Variants in ZFP90 observed in about 807,000 individuals in gnomAD.
ZFP90 encodes ZFP90 zinc finger protein, also known as zinc finger protein 90 homolog.
In ZFP90, 38 loss-of-function variants were observed where a neutral mutation model predicts 60.8. The observed-to-expected ratio is 0.62, with a 90% CI of 0.48 to 0.82. ZFP90 has a LOEUF of 0.82. Among genes scored for constraint, ZFP90 ranks in the 40% least tolerant of loss-of-function variants. The pLI, the probability that ZFP90 is intolerant of heterozygous loss-of-function variation, is 0.00. For missense variants in ZFP90, 711 were observed against 759.1 expected (o/e 0.94, Z 0.74); for synonymous variants, 287 against 264.8 (o/e 1.08, Z -0.82).
Position 68,565,508 on chromosome 16 carries a change from A to G in ZFP90, c.*810A>G, listed in dbSNP as rs2091511482. ...AGGCTTACAAACCACAATTTAACAGAAACTGTAGATGGTTGAACTACTAGT... is the reference window on the plus strand; with the variant it reads ...AGGCTTACAAACCACAATTTAACAGGAACTGTAGATGGTTGAACTACTAGT... On this transcript the variant is annotated 3_prime_UTR_variant, in exon 5 of 5. Coordinates refer to ENST00000563169, the MANE Select transcript of ZFP90 (RefSeq NM_001305203.2). The G allele has an allele frequency of 1.0e-6, 1 of 985,476 alleles. No individual in the cohort carries two copies. The highest frequency in any genetic ancestry group is 6.1e-5 in the Admixed American group (1 of 16,274). 61.0% of individuals were successfully genotyped at this position (985,476 alleles called of 1,614,324 possible).
intron 2 of ZFP90, among the ~76,000 whole-genome samples, chr16:68,545,809 C>T (rs955946323): frequency 6.6e-6 from 1 of 152,038 alleles, no homozygotes; most frequent in East Asian, 1.9e-4. Context: ...AGCGAGACTC[C>T]GTCTCAAAAA....
At chr16:68,558,732 TC>T (rs1236968736) in intron 4 of ZFP90, among the ~76,000 whole-genome samples, 164 bp downstream of exon 4, 1 of 152,204 alleles carries the variant, frequency 6.6e-6, no homozygotes, top group Non-Finnish European at 1.5e-5. Flanking sequence ...AAAAGGGTGC[TC>T]ATGCTCTTGC....
In ZFP90 at chr16:68,566,820, T is replaced by C; in HGVS notation, c.*2122T>C. On this transcript the variant is annotated 3_prime_UTR_variant, in exon 5 of 5. Transcript: ENST00000563169. ...TAGTGGACTACTTTCAGGAATGGCA[T>C]GAATTGTAACCAACTGAGTGCTGCC... 4 of 985,602 alleles carry C rather than the reference T, an allele frequency of 4.1e-6. No homozygotes were observed. Among genetic ancestry groups the C allele is most frequent in the Non-Finnish European group, 3.6e-6 (3 of 829,944 alleles). 61.1% of individuals were successfully genotyped at this position (985,602 alleles called of 1,614,324 possible).
intron 2 of ZFP90, among the ~76,000 whole-genome samples, chr16:68,545,539 G>T (rs2091133406): frequency 1.3e-5 from 2 of 152,286 alleles, no homozygotes; most frequent in Non-Finnish European, 1.5e-5. Context: ...TTCAAGCCAG[G>T]CGCAGTGGCT....
chr16:68,545,659 A>C (rs1472257426), intron 2 of ZFP90, among the ~76,000 whole-genome samples: 1 of 151,856 alleles, frequency 6.6e-6, no homozygotes, highest in Non-Finnish European at 1.5e-5. Flanking sequence ...ATAAAAATAC[A>C]AAAAAATTAG....
At chr16:68,571,764 C>A (rs1479467639), downstream of ZFP90, among the ~76,000 whole-genome samples, 1 of 151,632 alleles carries the variant, frequency 6.6e-6, no homozygotes, top group Non-Finnish European at 1.5e-5. Context: ...CTCATCTCAA[C>A]AAAAATAAAT....
chr16:68,535,458 G>T (rs2090953337), upstream of ZFP90: 1 of 152,148 alleles, frequency 6.6e-6, no homozygotes, highest in South Asian at 2.1e-4. Flanking sequence ...TTTGGATGGG[G>T]TCTGGGTTTT....
intron 2 of ZFP90, among the ~76,000 whole-genome samples, chr16:68,542,652 G>A (rs1241353022): frequency 6.6e-6 from 1 of 152,254 alleles, no homozygotes; most frequent in Middle Eastern, 3.4e-3. Flanking sequence ...GGTGAATCGG[G>A]AGTTGGGAGG....
intron 4 of ZFP90, among the ~76,000 whole-genome samples, chr16:68,558,945 C>T (rs933283390): frequency 3.3e-5 from 5 of 152,172 alleles, no homozygotes; most frequent in Non-Finnish European, 5.9e-5. Context: ...GAAACACCCA[C>T]AGCCTTCCTT....
At position 68,564,343 on chromosome 16, in the gene ZFP90, A is replaced by G; in HGVS notation, c.1556A>G (p.His519Arg). The change falls in exon 5 of 5, where the codon CAT becomes CGT. Residue 519 changes from histidine (H) to arginine (R), a missense_variant. By Grantham distance (29) the His-to-Arg change is conservative. This residue lies in a region of ZFP90 where 295 missense variants were observed against 274.0 expected (regional missense o/e 1.08). Transcript: ENST00000563169. The part of the protein sequence containing the change: ...STSFIEHHRI[H>R]TGEKPYECNE... ...AGTTTCATAGAGCATCACAGAATTC[A>G]TACTGGAGAGAAACCCTATGAATGT... 6.2e-7 allele frequency: 1 copy of G among 1,614,144 alleles called. No individual in the cohort carries two copies. Among genetic ancestry groups the G allele is most frequent in the Non-Finnish European group, 8.5e-7 (1 of 1,180,032 alleles).
At position 68,550,465 on chromosome 16, in the gene ZFP90, G is replaced by C. The variant is rs556113614; in HGVS notation, c.34-7533G>C. On this transcript the variant is annotated intron_variant, in intron 2 of 4. Transcript: ENST00000563169. ...TAGGTTTCTCCATGTTGGCCAGGCT[G>C]GTCTCAAACTCCTGACCTCAGGTGA... 4.6e-5 allele frequency among the ~76,000 whole-genome samples: 7 copies of C among 152,182 alleles called. No individual in the cohort carries two copies. In the South Asian group the frequency reaches 1.5e-3, roughly 32 times the overall value.
At chr16:68,570,822 C>G (rs2091564115), downstream of ZFP90, among the ~76,000 whole-genome samples, 1 of 152,054 alleles carries the variant, frequency 6.6e-6, no homozygotes, top group Admixed American at 6.6e-5. Flanking sequence ...GTTACACTTA[C>G]TAGATTTTCT....
intron 2 of ZFP90, among the ~76,000 whole-genome samples, chr16:68,542,769 T>G (rs1375697706): frequency 6.6e-6 from 1 of 152,170 alleles, no homozygotes; most frequent in Non-Finnish European, 1.5e-5. Context: ...CTTGTTCTTT[T>G]TGGCCTTGTA....
At position 68,564,105 on chromosome 16, in the gene ZFP90, G is replaced by A. The variant is rs1269292928; in HGVS notation, c.1318G>A (p.Asp440Asn). The A allele has an allele frequency of 1.2e-6, 2 of 1,613,990 alleles. No homozygotes were observed. Among genetic ancestry groups the A allele is most frequent in the Non-Finnish European group, 1.7e-6 (2 of 1,180,008 alleles). Residue 440 changes from aspartate to asparagine, a missense_variant, in exon 5 of 5, where the codon GAT becomes AAT. Coordinates refer to ENST00000563169, the MANE Select transcript of ZFP90 (RefSeq NM_001305203.2). ...DFKHSTSLTQ[D>N]ESTLTEVKSY... ...CAAGCACAGCACATCTCTCACTCAA[G>A]ATGAAAGCACTCTTACCGAAGTGAA...
chr16:68,547,836 CT>C (rs1555498464), intron 2 of ZFP90, among the ~76,000 whole-genome samples: 23 of 135,992 alleles, frequency 1.7e-4, no homozygotes, highest in Admixed American at 3.0e-4. Flanking sequence ...GTTGATCTCT[CT>C]TTTTTTTTTT....
upstream of ZFP90, among the ~76,000 whole-genome samples, chr16:68,536,089 A>G (rs1345491362): frequency 6.6e-6 from 1 of 152,138 alleles, no homozygotes; most frequent in African/African-American, 2.4e-5. Context: ...CAGTACATGC[A>G]CTTTCTACAC....
intron 2 of ZFP90, among the ~76,000 whole-genome samples, chr16:68,573,016 T>A (rs1854862038): frequency 6.6e-6 from 1 of 152,226 alleles, no homozygotes; most frequent in Non-Finnish European, 1.5e-5. Flanking sequence ...AAGTCAGGAT[T>A]TCAGTGGTTC....
Position 68,566,729 on chromosome 16 carries a change from T to C in ZFP90, c.*2031T>C. On this transcript the variant is annotated 3_prime_UTR_variant, in exon 5 of 5. Transcript: ENST00000563169. Reference sequence around the variant, plus strand: ...ACAATGGGTAATTCTACTCAGACCCTCCCTACTGATTGGCTAGGATGCCTG... The same window carrying C: ...ACAATGGGTAATTCTACTCAGACCCCCCCTACTGATTGGCTAGGATGCCTG... 1 of 985,602 alleles carries C rather than the reference T, an allele frequency of 1.0e-6. No individual in the cohort carries two copies. The highest frequency in any genetic ancestry group is 4.7e-5 in the South Asian group (1 of 21,286). 61.1% of individuals were successfully genotyped at this position (985,602 alleles called of 1,614,324 possible).
chr16:68,560,362 T>C, intron 4 of ZFP90, among the ~76,000 whole-genome samples: 1 of 152,212 alleles, frequency 6.6e-6, no homozygotes. Context: ...CTGGATAGTT[T>C]GTATAAATGG....
Sources: allele counts gnomAD v4.1 joint callset (sites outside exome capture counted in the v4.1 genomes callset), GRCh38; gene constraint gnomAD v4.1.1; regional missense constraint gnomAD v4.1.1; transcripts MANE v1.5; gene names NCBI Gene and HGNC (gene_info 2026-07-23, HGNC 2026-07-21).